NKAIN2: variants seen among roughly 807,000 people sequenced by gnomAD.
The protein encoded by NKAIN2 is sodium/potassium transporting ATPase interacting 2.
NKAIN2 carries 14 observed loss-of-function variants against 32.6 expected under a neutral mutation model. The observed-to-expected ratio is 0.43, with a 90% CI of 0.28 to 0.67. NKAIN2 has a LOEUF of 0.67. NKAIN2 is among the 30% of genes least tolerant of loss of function. The pLI, the probability that NKAIN2 is intolerant of heterozygous loss-of-function variation, is 0.17. For synonymous variants in NKAIN2, 80 were observed against 87.2 expected (o/e 0.92, Z 0.46); for missense variants, 198 against 258.3 (o/e 0.77, Z 1.60).
At chr6:123,856,781 A>C (rs1775571203) in intron 1 of NKAIN2, among the ~76,000 whole-genome samples, 1 of 152,186 alleles carries the variant, frequency 6.6e-6, no homozygotes. Flanking sequence ...CCTCTCTACT[A>C]TAACAAACCC....
At chr6:124,586,917 A>G (rs546627021) in intron 3 of NKAIN2, among the ~76,000 whole-genome samples, 1 of 152,328 alleles carries the variant, frequency 6.6e-6, no homozygotes, top group Admixed American at 6.5e-5. Context: ...GCTGAGTGAG[A>G]GAAGCCACAC....
intron 1 of NKAIN2, among the ~76,000 whole-genome samples, chr6:123,806,637 C>T (rs1016401611): frequency 1.1e-4 from 16 of 152,016 alleles, no homozygotes; most frequent in Middle Eastern, 3.4e-3. Context: ...TACAAATAAA[C>T]CAGGTTTCTA....
At chr6:123,976,116 T>C (rs990184559) in intron 1 of NKAIN2, among the ~76,000 whole-genome samples, 7 of 151,110 alleles carry the variant, frequency 4.6e-5, no homozygotes, top group Non-Finnish European at 8.9e-5. Context: ...TTGTGAGGCC[T>C]CCCCAGCCAC....
chr6:123,981,694 G>T (rs1324874859), intron 1 of NKAIN2, among the ~76,000 whole-genome samples: 1 of 152,150 alleles, frequency 6.6e-6, no homozygotes, highest in Non-Finnish European at 1.5e-5. Flanking sequence ...TCACAGGAGG[G>T]TAAAATATTT....
intron 1 of NKAIN2, among the ~76,000 whole-genome samples, chr6:124,229,602 T>G (rs1792338760): frequency 6.6e-6 from 1 of 152,098 alleles, no homozygotes. Context: ...TCAGTTTGAA[T>G]TCTACTTCCT....
intron 3 of NKAIN2, among the ~76,000 whole-genome samples, chr6:124,363,910 A>C (rs1006679178): frequency 4.6e-5 from 7 of 152,182 alleles, no homozygotes; most frequent in African/African-American, 1.4e-4. Flanking sequence ...AGAAGAAGAT[A>C]CACAATTGAA....
intron 4 of NKAIN2, among the ~76,000 whole-genome samples, chr6:124,686,270 G>C (rs11154254): frequency 1.3e-5 from 2 of 152,106 alleles, no homozygotes; most frequent in African/African-American, 4.8e-5. Flanking sequence ...CTGTTCTCTC[G>C]CTGCTATAAG....
intron 3 of NKAIN2, among the ~76,000 whole-genome samples, chr6:124,416,165 G>A (rs1327879283): frequency 3.3e-5 from 5 of 152,152 alleles, no homozygotes; most frequent in East Asian, 1.9e-4. Flanking sequence ...GTGACCACCT[G>A]TATTCCCAAA....
intron 4 of NKAIN2, among the ~76,000 whole-genome samples, chr6:124,786,864 T>C (rs1204095634): frequency 6.6e-6 from 1 of 152,128 alleles, no homozygotes; most frequent in African/African-American, 2.4e-5. Context: ...TTTCTTTCAA[T>C]TGAAGATACT....
At chr6:124,123,760 C>G (rs1470204034) in intron 1 of NKAIN2, among the ~76,000 whole-genome samples, 1 of 152,094 alleles carries the variant, frequency 6.6e-6, no homozygotes, top group African/African-American at 2.4e-5. Context: ...ATGGCAGGAA[C>G]TGGGCTCTTT....
At chr6:123,809,311 G>A (rs2114857811) in intron 1 of NKAIN2, among the ~76,000 whole-genome samples, 1 of 148,634 alleles carries the variant, frequency 6.7e-6, no homozygotes, top group East Asian at 2.0e-4. Context: ...AAATACATAA[G>A]CCATCAAGAT....
At chr6:123,899,308 C>T (rs1322188779) in intron 1 of NKAIN2, among the ~76,000 whole-genome samples, 20 of 152,018 alleles carry the variant, frequency 1.3e-4, no homozygotes, top group Admixed American at 1.1e-3. Context: ...TTCCTTCCTT[C>T]CTTCCCTCTT....
chr6:124,632,653 T>C (rs1269679131), intron 3 of NKAIN2, among the ~76,000 whole-genome samples: 2 of 152,210 alleles, frequency 1.3e-5, no homozygotes, highest in Non-Finnish European at 2.9e-5. Context: ...TTGTATGTTA[T>C]AAAAGCTGCA....
At chr6:124,621,272 G>C (rs897895571) in intron 3 of NKAIN2, among the ~76,000 whole-genome samples, 1 of 152,158 alleles carries the variant, frequency 6.6e-6, no homozygotes, top group Non-Finnish European at 1.5e-5. Context: ...TATTTATAAA[G>C]TATACACTGC....
At chr6:124,372,053 G>T (rs1424209538) in intron 3 of NKAIN2, among the ~76,000 whole-genome samples, 2 of 152,128 alleles carry the variant, frequency 1.3e-5, no homozygotes, top group Non-Finnish European at 2.9e-5. Flanking sequence ...ATTGAGAAAG[G>T]AAGGGAGTAA....
intron 1 of NKAIN2, among the ~76,000 whole-genome samples, chr6:124,022,289 T>G (rs962379319): frequency 1.3e-5 from 2 of 152,178 alleles, no homozygotes; most frequent in Admixed American, 6.6e-5. Context: ...TAATCCAGTC[T>G]ATCATTGATG....
At chr6:124,358,904 AG>A (rs1370134813) in intron 3 of NKAIN2, among the ~76,000 whole-genome samples, 20 of 151,250 alleles carry the variant, frequency 1.3e-4, no homozygotes, top group Admixed American at 9.2e-4. Flanking sequence ...TTATGGTTTT[AG>A]GTCTAACATT....
intron 3 of NKAIN2, among the ~76,000 whole-genome samples, chr6:124,405,861 C>T (rs1773834496): frequency 6.6e-6 from 1 of 152,104 alleles, no homozygotes; most frequent in Admixed American, 6.6e-5. Context: ...AAAAAGAATT[C>T]AGTAACACTA....
chr6:124,339,219 T>C (rs1033152282), intron 2 of NKAIN2, among the ~76,000 whole-genome samples: 2 of 152,112 alleles, frequency 1.3e-5, no homozygotes, highest in Non-Finnish European at 2.9e-5. Context: ...CGCGCACCTG[T>C]AGTCCCAGCT....
Sources: gnomAD v4.1 joint callset for allele counts (sites outside exome capture counted in the v4.1 genomes callset) on GRCh38, gnomAD v4.1.1 for gene constraint, MANE v1.5 for transcripts, NCBI Gene and HGNC (gene_info 2026-07-23, HGNC 2026-07-21) for gene names.